Variants in RANBP2 observed in about 807,000 individuals in gnomAD.
RANBP2 encodes the protein E3 SUMO-protein ligase RanBP2.
In RANBP2, 57 loss-of-function variants were observed where a neutral mutation model predicts 303.6. The observed-to-expected ratio is 0.19, with a 90% CI of 0.15 to 0.23. The LOEUF is 0.23. RANBP2 is among the 10% of genes least tolerant of loss of function. RANBP2 has a pLI of 1.00. For missense variants in RANBP2, 3,138 were observed against 3,780.8 expected (o/e 0.83, Z 4.46); for synonymous variants, 1,167 against 1,301.5 (o/e 0.90, Z 2.23).
At chr2:108,856,684 T>C in the RANBP2 span, 1 of 973,122 alleles carries the variant, frequency 1.0e-6, no homozygotes, top group Non-Finnish European at 1.5e-6. Flanking sequence ...ATTTAATTTT[T>C]GTTTGTCTTT....
chr2:109,350,562 G>A, the RANBP2 span, among the ~76,000 whole-genome samples: 2 of 152,154 alleles, frequency 1.3e-5, no homozygotes, highest in African/African-American at 4.8e-5. Flanking sequence ...CCTGCTACCT[G>A]TTCTGTCCTG....
At chr2:109,139,769 T>G in the RANBP2 span, among the ~76,000 whole-genome samples, 3 of 152,220 alleles carry the variant, frequency 2.0e-5, no homozygotes, top group African/African-American at 4.8e-5. Flanking sequence ...AGCAGCCCAT[T>G]GAACAATGGA....
the RANBP2 span, among the ~76,000 whole-genome samples, chr2:109,447,234 C>T: frequency 1.3e-5 from 2 of 151,128 alleles, no homozygotes; most frequent in African/African-American, 4.9e-5. Context: ...TGTATTTCAC[C>T]TCGTAGAAAC....
chr2:109,522,639 C>T, the RANBP2 span, among the ~76,000 whole-genome samples: 15 of 151,648 alleles, frequency 9.9e-5, no homozygotes, highest in African/African-American at 3.4e-4. Context: ...CTCCTGAGCT[C>T]AAGCAATCCT....
the RANBP2 span, among the ~76,000 whole-genome samples, chr2:109,102,404 A>G: frequency 1.3e-5 from 2 of 148,332 alleles, no homozygotes; most frequent in Admixed American, 6.9e-5. Flanking sequence ...CCGGCTGCCC[A>G]TGTATATTTT....
the RANBP2 span, chr2:109,615,258 A>AGCG: frequency 1.3e-6 from 2 of 1,562,538 alleles, no homozygotes; most frequent in Non-Finnish European, 1.7e-6. Flanking sequence ...GGAGGAGAGC[A>AGCG]GCGGCGGAGG....
the RANBP2 span, among the ~76,000 whole-genome samples, chr2:109,657,726 T>G: frequency 6.9e-6 from 1 of 144,310 alleles, no homozygotes; most frequent in Non-Finnish European, 1.5e-5. Context: ...TTTTTTTTTT[T>G]TTTTTTTTTT....
chr2:109,612,372 A>C, the RANBP2 span, among the ~76,000 whole-genome samples: 1 of 152,194 alleles, frequency 6.6e-6, no homozygotes. Flanking sequence ...TCCTGGGAAC[A>C]TCCTTTATCT....
At chr2:109,755,251 G>A in the RANBP2 span, among the ~76,000 whole-genome samples, 10 of 139,720 alleles carry the variant, frequency 7.2e-5, no homozygotes, top group Admixed American at 7.4e-4. Context: ...TAAAATCAGA[G>A]GTTTTCATTT....
chr2:109,150,717 C>T, the RANBP2 span, among the ~76,000 whole-genome samples: 24,370 of 152,026 alleles, frequency 0.16, 2,004 homozygotes, highest in Middle Eastern at 0.2. Context: ...AGCCTCATTT[C>T]ACAGAGCAGG....
At chr2:109,606,510 T>A in the RANBP2 span, among the ~76,000 whole-genome samples, 1 of 152,172 alleles carries the variant, frequency 6.6e-6, no homozygotes. Flanking sequence ...ATTACCATAG[T>A]GGACATAGTT....
the RANBP2 span, among the ~76,000 whole-genome samples, chr2:109,012,115 G>A: frequency 2.0e-5 from 3 of 152,288 alleles, no homozygotes; most frequent in East Asian, 1.9e-4. Context: ...AAGAGCGGAA[G>A]ATTAAAAATC....
At chr2:109,261,938 A>C in the RANBP2 span, among the ~76,000 whole-genome samples, 1 of 151,938 alleles carries the variant, frequency 6.6e-6, no homozygotes, top group Non-Finnish European at 1.5e-5. Flanking sequence ...TAAGATCTTT[A>C]CTGGATGTGT....
chr2:109,027,838 T>C, the RANBP2 span, among the ~76,000 whole-genome samples: 2 of 152,236 alleles, frequency 1.3e-5, no homozygotes, highest in African/African-American at 4.8e-5. Context: ...AGGCTCTGAG[T>C]CCCTGCCAGT....
the RANBP2 span, among the ~76,000 whole-genome samples, chr2:109,194,978 C>CT: frequency 4.6e-5 from 7 of 152,086 alleles, no homozygotes; most frequent in African/African-American, 1.7e-4. Flanking sequence ...CTCCAGGATC[C>CT]TTTTTTGTGG....
the RANBP2 span, among the ~76,000 whole-genome samples, chr2:109,515,211 T>C: frequency 6.6e-6 from 1 of 152,100 alleles, no homozygotes; most frequent in African/African-American, 2.4e-5. Flanking sequence ...AAATGGAAAC[T>C]CGGCGGCACC....
At chr2:108,885,919 T>C in the RANBP2 span, among the ~76,000 whole-genome samples, 1 of 152,236 alleles carries the variant, frequency 6.6e-6, no homozygotes, top group Non-Finnish European at 1.5e-5. Context: ...GTTTTATCCA[T>C]GTTGCTGCAA....
the RANBP2 span, among the ~76,000 whole-genome samples, chr2:109,636,251 T>C: frequency 6.6e-6 from 1 of 152,228 alleles, no homozygotes; most frequent in African/African-American, 2.4e-5. Flanking sequence ...AGGACATTAA[T>C]AATCTGATGA....
the RANBP2 span, among the ~76,000 whole-genome samples, chr2:109,200,066 A>G: frequency 6.6e-6 from 1 of 152,152 alleles, no homozygotes; most frequent in East Asian, 1.9e-4. Flanking sequence ...ACCAGTGGCC[A>G]GGGTAAGAAA....
Sources: gnomAD v4.1 joint callset for allele counts (sites outside exome capture counted in the v4.1 genomes callset) on GRCh38, gnomAD v4.1.1 for gene constraint, MANE v1.5 for transcripts, NCBI Gene and HGNC (gene_info 2026-07-23, HGNC 2026-07-21) for gene names.